The following MCM7 variants were observed in gnomAD, a reference collection of about 807,000 sequenced individuals.
MCM7 encodes the protein minichromosome maintenance complex component 7.
Under a neutral mutation model 83.5 loss-of-function variants are expected in MCM7, and 95 were observed. That is an observed-to-expected ratio of 1.14 (90% CI 0.96 to 1.35). The LOEUF is 1.35. MCM7 is among the 40% of genes most tolerant of loss of function. The pLI is 0.00. For synonymous variants in MCM7, 461 were observed against 352.7 expected (o/e 1.31, Z -3.44); for missense variants, 1,087 against 957.4 (o/e 1.14, Z -1.79).
Position 100,099,100 on chromosome 7 carries a change from G to C in MCM7, c.505C>G (p.Arg169Gly), listed in dbSNP as rs766413719. The change falls in exon 5 of 15, where the codon CGT becomes GGT. Residue 169 changes from arginine (R) to glycine (G), a missense_variant. By Grantham distance (125) the Arg-to-Gly change is moderately radical. Transcript: ENST00000303887. The stretch of plus-strand genomic sequence containing the variant: ...ATCTTGGGTTTGACTTCAGAGACAC[G>C]AGTGACGATTCCACGCACAGTTACC... ...KLVTVRGIVT[R>G]VSEVKPKMVV... 6.2e-7 allele frequency: 1 copy of C among 1,614,076 alleles called. No individual in the cohort carries two copies. The highest frequency in any genetic ancestry group is 8.5e-7 in the Non-Finnish European group (1 of 1,180,016).
At position 100,099,773 on chromosome 7, in the gene MCM7, G is replaced by A. The variant is rs201533459; in HGVS notation, c.112-20C>T. The A allele has an allele frequency of 1.9e-6, 3 of 1,612,758 alleles. No individual in the cohort carries two copies. Among genetic ancestry groups the A allele is most frequent in the African/African-American group, 1.3e-5 (1 of 75,020 alleles). On this transcript the variant is annotated intron_variant, in intron 2 of 14. Coordinates refer to ENST00000303887, the MANE Select transcript of MCM7 (RefSeq NM_005916.5). The stretch of plus-strand genomic sequence containing the variant: ...CCGAACCTCAAGTGGGGAAGAGACA[G>A]AAACACCTCAGAGCCACATTCACTT...
intron 12 of MCM7, 74 bp downstream of exon 12, chr7:100,095,313 G>T: frequency 1.5e-6 from 2 of 1,309,516 alleles, no homozygotes; most frequent in Non-Finnish European, 2.2e-6. Flanking sequence ...CACACCCTAA[G>T]ACTAATAAGC....
Position 100,097,667 on chromosome 7 carries a change from AGCAGT to A in MCM7, c.1059_1063del (p.Leu354AlafsTer40). On this transcript the variant is annotated frameshift_variant, in exon 9 of 15. Coordinates refer to ENST00000303887, the MANE Select transcript of MCM7 (RefSeq NM_005916.5). LOFTEE classifies it high-confidence loss of function. The stretch of plus-strand genomic sequence containing the variant: ...GTCCACACCCCCGACTAGCAGGAGC[AGCAGT>A]GCCTTCTTCACATCTTCATGCCCGT... 1 of 1,614,236 alleles carries A rather than the reference AGCAGT, an allele frequency of 6.2e-7. No individual in the cohort carries two copies.
chr7:100,093,919 A>T, intron 13 of MCM7: 1 of 697,134 alleles, frequency 1.4e-6, no homozygotes. Context: ...GGAGTGAAAC[A>T]GACCCCAACC....
chr7:100,099,600 T>A lies in MCM7; in HGVS notation c.265A>T (p.Lys89Ter). 6.2e-7 allele frequency: 1 copy of A among 1,614,016 alleles called. No homozygotes were observed. Among genetic ancestry groups the A allele is most frequent in the Non-Finnish European group, 8.5e-7 (1 of 1,180,034 alleles). ...DAVQELLPQYKEREVVNKDVL... is the reference protein window; with the variant it reads ...DAVQELLPQY ...CTCTAACCACTCACTTCCCTCTCCT[T>A]GTACTGAGGCAGCAGCTCTTGTACG... The change falls in exon 3 of 15, where the codon AAG (lysine) becomes TAG (stop). Residue 89 changes from lysine to a stop codon, truncating the protein, a stop_gained. Coordinates refer to ENST00000303887, the MANE Select transcript of MCM7 (RefSeq NM_005916.5). LOFTEE classifies it high-confidence loss of function.
At chr7:100,100,148 A>G in intron 1 of MCM7, 55 bp from the exon 2 acceptor site, 2 of 1,597,596 alleles carry the variant, frequency 1.3e-6, no homozygotes, top group Non-Finnish European at 1.7e-6. Flanking sequence ...AATCTTAGAT[A>G]CCCATTTTCG....
rs541818232 is a variant in MCM7 at position 100,095,048 on chromosome 7, G to A, written c.1679+339C>T. Among the ~76,000 whole-genome samples the A allele has an allele frequency of 5.9e-5, 9 of 152,224 alleles. No individual in the cohort carries two copies. The East Asian group carries it at 7.7e-4, about 13-fold the overall frequency. ...CAAAAAATTAACCAGGCGTGGTGGC[G>A]TGCGCCTGTAATCCCAGCTACTCAG... On this transcript the variant is annotated intron_variant, in intron 12 of 14. Coordinates refer to ENST00000303887, the MANE Select transcript of MCM7 (RefSeq NM_005916.5).
Position 100,097,693 on chromosome 7 carries a change from C to A in MCM7, c.1038G>T (p.Gly346=), listed in dbSNP as rs911553299. The A allele has an allele frequency of 1.2e-6, 2 of 1,614,212 alleles. No homozygotes were observed. Among genetic ancestry groups the A allele is most frequent in the Non-Finnish European group, 8.5e-7 (1 of 1,180,040 alleles). The change falls in exon 9 of 15, where the codon GGG becomes GGT. Residue 346 remains glycine (G), a synonymous_variant. Transcript: ENST00000303887. The part of the protein sequence containing the change: ...LAASIAPEIY[G]HEDVKKALLL... Reference sequence around the variant, plus strand: ...GCAGTGCCTTCTTCACATCTTCATGCCCGTATATTTCTGGGGCGATTGAAG... The same window carrying A: ...GCAGTGCCTTCTTCACATCTTCATGACCGTATATTTCTGGGGCGATTGAAG...
chr7:100,096,796 C>A (rs926762268), intron 10 of MCM7, among the ~76,000 whole-genome samples: 3 of 151,540 alleles, frequency 2.0e-5, no homozygotes, highest in African/African-American at 7.3e-5. Flanking sequence ...CAAAACAATA[C>A]CCAAACAACA....
rs78348776 is a variant in MCM7 at position 100,095,954 on chromosome 7, G to C, written c.1415C>G (p.Ala472Gly). 2.2e-5 allele frequency: 36 copies of C among 1,614,108 alleles called. No homozygotes were observed. In the African/African-American group the frequency reaches 4.5e-4, roughly 20 times the overall value. The change falls in exon 11 of 15, where the codon GCC becomes GGC. Residue 472 changes from alanine to glycine, a missense_variant. Transcript: ENST00000303887. ...MEQQTISIAK[A>G]GILTTLNARC... ...GGCATTGAGTGTGGTGAGAATGCCG[G>C]CCTTGGCAATGGAGATGGTCTGCTG... is the stretch of plus-strand genomic sequence containing the variant.
intron 12 of MCM7, among the ~76,000 whole-genome samples, chr7:100,094,601 C>A (rs1321606210): frequency 6.6e-6 from 1 of 152,058 alleles, no homozygotes; most frequent in African/African-American, 2.4e-5. Flanking sequence ...AAGACAAATC[C>A]GTCTGTCATT....
intron 1 of MCM7, 133 bp downstream of exon 1, chr7:100,101,131 C>A: frequency 3.5e-6 from 4 of 1,153,044 alleles, no homozygotes; most frequent in Admixed American, 2.0e-5. Context: ...CAGGCCGCAG[C>A]TCGACCCTGC....
chr7:100,093,741 G>T, intron 13 of MCM7: 1 of 633,090 alleles, frequency 1.6e-6, no homozygotes, highest in East Asian at 3.5e-5. Flanking sequence ...GCTCAGCCAA[G>T]AAGACAATTG....
chr7:100,096,071 G>GC lies in MCM7; in HGVS notation c.1297dup (p.Ala433GlyfsTer6). 5 of 1,613,976 alleles carry GC rather than the reference G, an allele frequency of 3.1e-6. No homozygotes were observed. The highest frequency in any genetic ancestry group is 3.4e-6 in the Non-Finnish European group (4 of 1,180,008). ...CACACCCTGGTCAGCCAGCACCAGG[G>GC]CCCCACCCTCTAAGGTCAGTTCTCC... On this transcript the variant is annotated frameshift_variant, in exon 11 of 15. Transcript: ENST00000303887. LOFTEE classifies it high-confidence loss of function.
Position 100,101,269 on chromosome 7 carries a change from T to C in MCM7, c.26A>G (p.Glu9Gly), listed in dbSNP as rs1796012315. The C allele has an allele frequency of 6.2e-7, 1 of 1,613,138 alleles. No homozygotes were observed. The highest frequency in any genetic ancestry group is 8.5e-7 in the Non-Finnish European group (1 of 1,179,894). MALKDYAL[E>G]KEKVKKFLQE... ...CCGGGCTCGTAGACCCGTACCCTTCTCTAGCGCGTAGTCCTTCAGTGCCAT... is the reference window on the plus strand; with the variant it reads ...CCGGGCTCGTAGACCCGTACCCTTCCCTAGCGCGTAGTCCTTCAGTGCCAT... The change falls in exon 1 of 15, where the codon GAG becomes GGG. Residue 9 changes from glutamate (E) to glycine (G), a missense_variant. Glu to Gly is a moderately conservative substitution (Grantham distance 98, BLOSUM62 -2). Coordinates refer to ENST00000303887, the MANE Select transcript of MCM7 (RefSeq NM_005916.5).
Position 100,099,110 on chromosome 7 carries a change from T to C in MCM7, c.495A>G (p.Gly165=). Reference sequence around the variant, plus strand: ...TGACTTCAGAGACACGAGTGACGATTCCACGCACAGTTACCAACTTCCCCA... The same window carrying C: ...TGACTTCAGAGACACGAGTGACGATCCCACGCACAGTTACCAACTTCCCCA... ...DSVGKLVTVR[G]IVTRVSEVKP... The change falls in exon 5 of 15, where the codon GGA becomes GGG. Residue 165 remains glycine, a synonymous_variant. Transcript: ENST00000303887. 1 of 1,614,140 alleles carries C rather than the reference T, an allele frequency of 6.2e-7. No individual in the cohort carries two copies. The highest frequency in any genetic ancestry group is 2.2e-5 in the East Asian group (1 of 44,878).
chr7:100,097,480 A>G, intron 9 of MCM7, 96 bp from the exon 10 acceptor site: 1 of 1,568,888 alleles, frequency 6.4e-7, no homozygotes, highest in Non-Finnish European at 8.8e-7. Context: ...AACACCCAGC[A>G]CTATTTCTAA....
intron 11 of MCM7, 118 bp downstream of exon 11, chr7:100,095,656 T>C (rs1311954915): frequency 6.4e-6 from 9 of 1,402,744 alleles, no homozygotes; most frequent in East Asian, 4.6e-5. Context: ...CAGCCCCTGC[T>C]GCAAAGGGGA....
At position 100,095,953 on chromosome 7, in the gene MCM7, G is replaced by T. The variant is rs2307354; in HGVS notation, c.1416C>A (p.Ala472=). The change falls in exon 11 of 15, where the codon GCC becomes GCA. Residue 472 remains alanine, a synonymous_variant. Transcript: ENST00000303887. ...MEQQTISIAK[A]GILTTLNARC... is the part of the protein sequence containing the mutation. The stretch of plus-strand genomic sequence containing the variant: ...GGGCATTGAGTGTGGTGAGAATGCC[G>T]GCCTTGGCAATGGAGATGGTCTGCT... The T allele has an allele frequency of 6.2e-7, 1 of 1,614,058 alleles. No individual in the cohort carries two copies. The highest frequency in any genetic ancestry group is 8.5e-7 in the Non-Finnish European group (1 of 1,179,978).
Sources: allele counts gnomAD v4.1 joint callset (sites outside exome capture counted in the v4.1 genomes callset), GRCh38; gene constraint gnomAD v4.1.1; transcripts MANE v1.5; gene names NCBI Gene and HGNC (gene_info 2026-07-23, HGNC 2026-07-21).